Variants in GRIK1 observed in about 807,000 individuals in gnomAD.
GRIK1 encodes the protein glutamate receptor ionotropic, kainate 1.
Under a neutral mutation model 105.7 loss-of-function variants are expected in GRIK1, and 69 were observed. The ratio of observed to expected loss-of-function variants is 0.65; its 90% CI spans 0.54 to 0.80. The LOEUF (loss-of-function observed/expected upper bound fraction) is 0.80, where lower values mean the gene tolerates loss of function less well. GRIK1 is among the 30% of genes least tolerant of loss of function. The pLI, the probability that GRIK1 is intolerant of heterozygous loss-of-function variation, is 0.00. For missense variants in GRIK1, 1,109 were observed against 1,167.3 expected (o/e 0.95, Z 0.73); for synonymous variants, 438 against 431.3 (o/e 1.02, Z -0.19).
In GRIK1 at chr21:29,591,146, A is replaced by G; in HGVS notation, c.1331T>C (p.Leu444Ser). Reference protein sequence around the residue: ...KDKSSNITDSLANRTLIVTTI... With the variant: ...KDKSSNITDSSANRTLIVTTI... ...GGTGACAATGAGTGTTCTGTTGGCC[A>G]ATGAATCAGTGATATTGCTGGACTT... The change falls in exon 10 of 18, where the codon TTG becomes TCG. Residue 444 changes from leucine (L) to serine (S), a missense_variant. This residue lies in a region of GRIK1 where 612 missense variants were observed against 586.0 expected (regional missense o/e 1.04). Transcript: ENST00000327783. The G allele has an allele frequency of 2.5e-6, 4 of 1,607,596 alleles. No homozygotes were observed. The highest frequency in any genetic ancestry group is 2.6e-6 in the Non-Finnish European group (3 of 1,173,982).
At chr21:29,599,324 T>C (rs2061474733) in intron 7 of GRIK1, among the ~76,000 whole-genome samples, 1 of 152,238 alleles carries the variant, frequency 6.6e-6, no homozygotes, top group South Asian at 2.1e-4. Context: ...GCTTTTTCTT[T>C]CTCTGTGAAA....
chr21:29,563,180 G>A (rs965037989), intron 14 of GRIK1, among the ~76,000 whole-genome samples: 2 of 152,258 alleles, frequency 1.3e-5, no homozygotes, highest in East Asian at 1.9e-4. Context: ...CACCATCTCC[G>A]TAGTTCAGGA....
intron 1 of GRIK1, among the ~76,000 whole-genome samples, chr21:29,878,588 A>C (rs568656659): frequency 6.6e-6 from 1 of 152,266 alleles, no homozygotes; most frequent in South Asian, 2.1e-4. Flanking sequence ...ATACGTTGAA[A>C]TCTTAATCAC....
At chr21:29,654,979 C>G in intron 4 of GRIK1, 116 bp from the exon 5 acceptor site, 1 of 747,066 alleles carries the variant, frequency 1.3e-6, no homozygotes, top group Non-Finnish European at 2.4e-6. Flanking sequence ...CTTTGGAAAT[C>G]CACAAACTCA....
intron 1 of GRIK1, among the ~76,000 whole-genome samples, chr21:29,907,921 T>C (rs2070699781): frequency 2.0e-5 from 3 of 152,140 alleles, no homozygotes; most frequent in Admixed American, 6.5e-5. Flanking sequence ...TACAATTTTA[T>C]TTAAGTTTTA....
At chr21:29,884,994 A>G (rs1569188632) in intron 1 of GRIK1, among the ~76,000 whole-genome samples, 1 of 152,040 alleles carries the variant, frequency 6.6e-6, no homozygotes, top group Non-Finnish European at 1.5e-5. Flanking sequence ...ACATTTCAAT[A>G]TTATTTTCAT....
At chr21:29,541,479 A>G (rs868662090) in intron 16 of GRIK1, among the ~76,000 whole-genome samples, 1 of 151,870 alleles carries the variant, frequency 6.6e-6, no homozygotes, top group Non-Finnish European at 1.5e-5. Flanking sequence ...AAACAGTCCA[A>G]TGGGTGGCAT....
chr21:29,867,741 C>T (rs2068846472), intron 1 of GRIK1, among the ~76,000 whole-genome samples: 1 of 151,216 alleles, frequency 6.6e-6, no homozygotes, highest in Non-Finnish European at 1.5e-5. Flanking sequence ...TTGCAGTGAG[C>T]CTAGATCATG....
At chr21:29,681,904 C>A (rs759799429) in intron 3 of GRIK1, among the ~76,000 whole-genome samples, 1 of 152,156 alleles carries the variant, frequency 6.6e-6, no homozygotes, top group South Asian at 2.1e-4. Flanking sequence ...GGTGGCATCA[C>A]GATGGGACAG....
chr21:29,601,094 G>C (rs2061509492), intron 7 of GRIK1: 1 of 304,800 alleles, frequency 3.3e-6, no homozygotes, highest in South Asian at 3.2e-5. Flanking sequence ...TTCCAAAAAA[G>C]ATTAGCATTT....
At chr21:29,669,451 G>T (rs1601413525) in intron 4 of GRIK1, among the ~76,000 whole-genome samples, 2 of 152,174 alleles carry the variant, frequency 1.3e-5, no homozygotes, top group South Asian at 4.1e-4. Context: ...ATCTAAAGAA[G>T]ACCAGCAGCA....
At chr21:29,879,691 G>T in intron 1 of GRIK1, among the ~76,000 whole-genome samples, 1 of 151,978 alleles carries the variant, frequency 6.6e-6, no homozygotes, top group Non-Finnish European at 1.5e-5. Context: ...TAGCAGTCCC[G>T]ATCTTCCATC....
chr21:29,916,448 A>G (rs1480688064), intron 1 of GRIK1, among the ~76,000 whole-genome samples: 1 of 152,022 alleles, frequency 6.6e-6, no homozygotes, highest in Non-Finnish European at 1.5e-5. Context: ...AGATTAATGC[A>G]TCAAGAAATC....
chr21:29,798,493 C>G (rs1374203573), intron 1 of GRIK1, among the ~76,000 whole-genome samples: 1 of 152,036 alleles, frequency 6.6e-6, no homozygotes, highest in African/African-American at 2.4e-5. Context: ...CAAATTTTTC[C>G]CTAAAATTCT....
chr21:29,665,199 C>A (rs1201628750), intron 4 of GRIK1, among the ~76,000 whole-genome samples: 1 of 152,110 alleles, frequency 6.6e-6, no homozygotes, highest in Non-Finnish European at 1.5e-5. Flanking sequence ...AATGGATATC[C>A]TGGACACTAA....
intron 2 of GRIK1, among the ~76,000 whole-genome samples, chr21:29,693,535 C>T (rs908769895): frequency 5.3e-5 from 8 of 152,130 alleles, no homozygotes; most frequent in Admixed American, 2.0e-4. Flanking sequence ...TCCACATGCT[C>T]AGTGGATTGA....
chr21:29,729,310 G>T (rs1340646520), intron 1 of GRIK1, among the ~76,000 whole-genome samples: 1 of 152,008 alleles, frequency 6.6e-6, no homozygotes, highest in Non-Finnish European at 1.5e-5. Context: ...CAGCAGAAAA[G>T]TCAAAAAAAG....
At chr21:29,897,370 A>C (rs1037725499) in intron 1 of GRIK1, among the ~76,000 whole-genome samples, 3 of 152,190 alleles carry the variant, frequency 2.0e-5, no homozygotes, top group Non-Finnish European at 4.4e-5. Context: ...ATTATCTTAA[A>C]ATCTTGAAAA....
At chr21:29,752,163 C>G (rs1029075124) in intron 1 of GRIK1, among the ~76,000 whole-genome samples, 1 of 152,174 alleles carries the variant, frequency 6.6e-6, no homozygotes, top group African/African-American at 2.4e-5. Context: ...TACTTTTGAT[C>G]TCCTTGGACT....
Sources: allele counts gnomAD v4.1 joint callset (sites outside exome capture counted in the v4.1 genomes callset), GRCh38; gene constraint gnomAD v4.1.1; regional missense constraint gnomAD v4.1.1; transcripts MANE v1.5; gene names NCBI Gene and HGNC (gene_info 2026-07-23, HGNC 2026-07-21).